The following ERBB4 variants were observed in gnomAD, a reference collection of about 807,000 sequenced individuals.
The protein encoded by ERBB4 is receptor tyrosine-protein kinase erbB-4.
A neutral mutation model predicts 158.0 loss-of-function variants in ERBB4; 42 were observed. The ratio of observed to expected loss-of-function variants is 0.27; its 90% CI spans 0.21 to 0.34. The LOEUF is 0.34. Among genes scored for constraint, ERBB4 ranks in the 10% least tolerant of loss-of-function variants. ERBB4 has a pLI of 1.00. For missense variants in ERBB4, 1,333 were observed against 1,624.1 expected (o/e 0.82, Z 3.08); for synonymous variants, 583 against 558.7 (o/e 1.04, Z -0.61).
intron 12 of ERBB4, among the ~76,000 whole-genome samples, chr2:211,699,166 A>C (rs996802644): frequency 5.9e-5 from 9 of 152,148 alleles, no homozygotes; most frequent in African/African-American, 2.2e-4. Flanking sequence ...ACTGCATGTA[A>C]ATGTAGGTGA....
intron 3 of ERBB4, among the ~76,000 whole-genome samples, chr2:211,810,843 T>C (rs1398116806): frequency 6.6e-6 from 1 of 151,614 alleles, no homozygotes; most frequent in Non-Finnish European, 1.5e-5. Flanking sequence ...CGGCTAATTT[T>C]TTTTGTATTT....
chr2:211,633,366 A>G (rs1429639182), intron 16 of ERBB4, among the ~76,000 whole-genome samples: 1 of 152,040 alleles, frequency 6.6e-6, no homozygotes, highest in Non-Finnish European at 1.5e-5. Context: ...ATATATGTCT[A>G]CAAATATATC....
intron 2 of ERBB4, among the ~76,000 whole-genome samples, chr2:211,953,948 A>T (rs1189006261): frequency 3.3e-5 from 5 of 152,034 alleles, no homozygotes; most frequent in African/African-American, 1.2e-4. Flanking sequence ...GCAGTTATAA[A>T]CCTGGAATTT....
intron 1 of ERBB4, among the ~76,000 whole-genome samples, chr2:212,442,910 C>T (rs1363301338): frequency 2.0e-5 from 3 of 152,200 alleles, no homozygotes; most frequent in African/African-American, 7.2e-5. Context: ...CATCCATGTT[C>T]AGCTCTCCCA....
chr2:212,529,522 T>C (rs1692633460), intron 1 of ERBB4, among the ~76,000 whole-genome samples: 1 of 152,168 alleles, frequency 6.6e-6, no homozygotes, highest in Non-Finnish European at 1.5e-5. Context: ...TATTAAGAAT[T>C]CTATAATTAT....
chr2:211,896,880 A>G (rs76794976), intron 3 of ERBB4, among the ~76,000 whole-genome samples: 2,079 of 152,048 alleles, frequency 0.014, 55 homozygotes, highest in African/African-American at 0.048. Flanking sequence ...CATTATTTCC[A>G]ATCCTATTTA....
At chr2:211,897,842 C>T (rs750534717) in intron 3 of ERBB4, among the ~76,000 whole-genome samples, 17 of 152,078 alleles carry the variant, frequency 1.1e-4, no homozygotes, top group Admixed American at 2.6e-4. Context: ...CTCCTGGCCT[C>T]AAGGGATCTT....
chr2:212,203,560 A>G (rs540318025), intron 1 of ERBB4, among the ~76,000 whole-genome samples: 62 of 152,334 alleles, frequency 4.1e-4, no homozygotes, highest in Admixed American at 8.5e-4. Context: ...CATGATCTGA[A>G]CAACTTTTTA....
chr2:211,383,773 C>G lies in ERBB4; in HGVS notation c.3769G>C (p.Asp1257His), dbSNP rs766270456. ...TTTGTGCTGTACTCCTGCAGGTAGT[C>G]TGGGTGCTGAAGGGTGCTCCGAGGT... is the stretch of plus-strand genomic sequence containing the variant. ...LPPRSTLQHP[D>H]YLQEYSTKYF... The change falls in exon 28 of 28, where the codon GAC becomes CAC. Residue 1257 changes from aspartate to histidine, a missense_variant. By Grantham distance (81) the Asp-to-His change is moderately conservative (BLOSUM62 -1). Transcript: ENST00000342788. 5.6e-6 allele frequency: 9 copies of G among 1,613,944 alleles called. No homozygotes were observed. In the East Asian group the frequency reaches 2.0e-4, roughly 36 times the overall value.
chr2:211,665,589 AAG>A (rs942441818), intron 14 of ERBB4, 112 bp from the exon 15 acceptor site: 11 of 986,158 alleles, frequency 1.1e-5, no homozygotes, highest in Non-Finnish European at 1.6e-5. Flanking sequence ...ATCTTCCTCT[AAG>A]AGAATTGGAG....
chr2:212,286,195 T>C (rs1303258478), intron 1 of ERBB4, among the ~76,000 whole-genome samples: 1 of 152,186 alleles, frequency 6.6e-6, no homozygotes, highest in Non-Finnish European at 1.5e-5. Context: ...ATTACATTGG[T>C]TCTTACGGTT....
intron 1 of ERBB4, among the ~76,000 whole-genome samples, chr2:212,370,411 C>T (rs2090044784): frequency 6.6e-6 from 1 of 152,162 alleles, no homozygotes; most frequent in Admixed American, 6.6e-5. Flanking sequence ...ACACTAAATT[C>T]AGAAACGTGC....
chr2:212,331,058 G>GCATATATATATATATATATATATATATA (rs2088119013), intron 1 of ERBB4, among the ~76,000 whole-genome samples: 1 of 56,268 alleles, frequency 1.8e-5, no homozygotes, highest in Non-Finnish European at 4.8e-5. Flanking sequence ...TTTGTAATTT[G>GCATATATATATATATATATATATATATA]TATATATATA....
chr2:211,834,069 C>T (rs762175353), intron 3 of ERBB4, among the ~76,000 whole-genome samples: 11 of 152,040 alleles, frequency 7.2e-5, no homozygotes, highest in Admixed American at 2.0e-4. Context: ...GTCATCCTTC[C>T]GCAATTTGCT....
At chr2:212,105,002 C>T (rs80175157) in intron 2 of ERBB4, among the ~76,000 whole-genome samples, 8,367 of 148,902 alleles carry the variant, frequency 0.056, 406 homozygotes, top group South Asian at 0.25. Flanking sequence ...CAGACATCAA[C>T]GTCCTTTCTC....
chr2:212,039,524 T>C (rs1035562002), intron 2 of ERBB4, among the ~76,000 whole-genome samples: 1 of 152,178 alleles, frequency 6.6e-6, no homozygotes, highest in Admixed American at 6.5e-5. Flanking sequence ...CATAATTTCA[T>C]AGATGTATTT....
At chr2:211,858,592 T>C (rs1181879146) in intron 3 of ERBB4, among the ~76,000 whole-genome samples, 3 of 23,234 alleles carry the variant, frequency 1.3e-4, no homozygotes, top group Admixed American at 8.3e-4. Flanking sequence ...CAAAAAGCCA[T>C]TTTTTTTTTA....
chr2:212,139,320 C>T (rs2080369370), intron 1 of ERBB4, among the ~76,000 whole-genome samples: 1 of 151,992 alleles, frequency 6.6e-6, no homozygotes, highest in Admixed American at 6.6e-5. Context: ...TGCACATACA[C>T]ATACATAGGG....
chr2:212,507,897 C>T (rs112207909), intron 1 of ERBB4, among the ~76,000 whole-genome samples: 4 of 152,062 alleles, frequency 2.6e-5, no homozygotes, highest in Admixed American at 1.3e-4. Flanking sequence ...TTATATTGTG[C>T]GTAAAATGCT....
Sources: gnomAD v4.1 joint callset for allele counts (sites outside exome capture counted in the v4.1 genomes callset) on GRCh38, gnomAD v4.1.1 for gene constraint, MANE v1.5 for transcripts, NCBI Gene and HGNC (gene_info 2026-07-23, HGNC 2026-07-21) for gene names.